The following KCNQ5 variants were observed in gnomAD, a reference collection of about 807,000 sequenced individuals.
KCNQ5 encodes the protein potassium voltage-gated channel subfamily Q member 5.
In KCNQ5, 30 loss-of-function variants were observed where a neutral mutation model predicts 98.2. The ratio of observed to expected loss-of-function variants is 0.31; its 90% CI spans 0.23 to 0.41. The LOEUF is 0.41. Ranked by LOEUF, KCNQ5 falls within the 10% of genes least tolerant of loss-of-function variation. The probability of loss-of-function intolerance (pLI) is 1.00; values close to 1 mark genes in which losing one functional copy is unlikely to be tolerated. For synonymous variants in KCNQ5, 458 were observed against 449.4 expected, an observed-to-expected ratio of 1.02 and a Z score of -0.24; for missense variants, 835 against 1,182.5, an observed-to-expected ratio of 0.71 and a Z score of 4.31.
intron 2 of KCNQ5, among the ~76,000 whole-genome samples, chr6:73,040,375 G>C (rs139243163): frequency 5.9e-5 from 9 of 152,256 alleles, no homozygotes; most frequent in African/African-American, 1.9e-4. Context: ...ATTCAACCTA[G>C]GTTGGGCACA....
intron 1 of KCNQ5, among the ~76,000 whole-genome samples, chr6:72,766,556 T>C (rs1389042717): frequency 2.0e-5 from 3 of 151,858 alleles, no homozygotes; most frequent in Admixed American, 6.6e-5. Flanking sequence ...TTGGCCTAGG[T>C]TGGTAGCAGT....
chr6:73,023,115 A>C (rs1029699293), intron 2 of KCNQ5, among the ~76,000 whole-genome samples: 1 of 152,222 alleles, frequency 6.6e-6, no homozygotes, highest in Non-Finnish European at 1.5e-5. Flanking sequence ...CAGAAGCTAC[A>C]TGAGCATCAG....
chr6:72,780,683 T>C (rs546538861), intron 1 of KCNQ5, among the ~76,000 whole-genome samples: 1 of 152,292 alleles, frequency 6.6e-6, no homozygotes, highest in African/African-American at 2.4e-5. Context: ...GGGTATTTTA[T>C]CTACTGAGAA....
chr6:72,919,652 G>GA (rs778103535), intron 1 of KCNQ5, among the ~76,000 whole-genome samples: 174 of 150,460 alleles, frequency 1.2e-3, no homozygotes, highest in South Asian at 1.9e-3. Flanking sequence ...CTCCCTTTCT[G>GA]AAAAAAAAAT....
At chr6:73,080,884 A>G (rs1361014035) in intron 5 of KCNQ5, among the ~76,000 whole-genome samples, 1 of 152,202 alleles carries the variant, frequency 6.6e-6, no homozygotes. Context: ...CCCTAGATCA[A>G]CATTTGGAGG....
chr6:72,820,898 A>C (rs1775723558), intron 1 of KCNQ5, among the ~76,000 whole-genome samples: 1 of 152,242 alleles, frequency 6.6e-6, no homozygotes, highest in Admixed American at 6.5e-5. Context: ...TTCATCGTGT[A>C]CTTGCTGGAA....
chr6:73,128,043 T>C (rs1935533), intron 9 of KCNQ5, among the ~76,000 whole-genome samples: 140,172 of 152,198 alleles, frequency 0.92, 64,822 homozygotes, highest in South Asian at 0.99. Context: ...CCAGCCTGGA[T>C]GACAGAGCAA....
intron 2 of KCNQ5, among the ~76,000 whole-genome samples, chr6:73,005,162 G>C (rs1249697189): frequency 2.0e-5 from 3 of 152,170 alleles, no homozygotes; most frequent in African/African-American, 7.2e-5. Flanking sequence ...TATTGCTCAT[G>C]TTAAGGTTAC....
intron 3 of KCNQ5, among the ~76,000 whole-genome samples, chr6:73,053,084 A>T (rs1180716899): frequency 1.3e-5 from 2 of 152,224 alleles, no homozygotes; most frequent in Non-Finnish European, 2.9e-5. Flanking sequence ...AGAAAAAAGC[A>T]GGAGTTGCTA....
intron 1 of KCNQ5, among the ~76,000 whole-genome samples, chr6:72,684,072 G>T (rs1397877287): frequency 6.6e-6 from 1 of 152,156 alleles, no homozygotes; most frequent in Non-Finnish European, 1.5e-5. Flanking sequence ...GTTCATGTAT[G>T]TATAATCATT....
At chr6:72,645,204 C>CAA (rs771967081) in intron 1 of KCNQ5, among the ~76,000 whole-genome samples, 2,245 of 116,916 alleles carry the variant, frequency 0.019, 39 homozygotes, top group South Asian at 0.038. Context: ...ACCTTGTCAC[C>CAA]AAAAAAAAAC....
At chr6:73,037,517 C>G (rs1771492695) in intron 2 of KCNQ5, among the ~76,000 whole-genome samples, 1 of 152,054 alleles carries the variant, frequency 6.6e-6, no homozygotes, top group African/African-American at 2.4e-5. Context: ...AACCCGTGGT[C>G]CATTTTTAAA....
intron 10 of KCNQ5, among the ~76,000 whole-genome samples, chr6:73,147,873 A>AAGTGTTTGAGGCATTCAAATAAGTG (rs1275426156): frequency 6.6e-6 from 1 of 152,180 alleles, no homozygotes; most frequent in African/African-American, 2.4e-5. Context: ...AGCAATAAGC[A>AAGTGTTTGAGGCATTCAAATAAGTG]AGTGTTTGAG....
chr6:72,738,869 A>G (rs1012121419), intron 1 of KCNQ5, among the ~76,000 whole-genome samples: 2 of 152,244 alleles, frequency 1.3e-5, no homozygotes, highest in Non-Finnish European at 2.9e-5. Flanking sequence ...GGGATAGTTA[A>G]AACATCAGTG....
At chr6:72,997,571 C>T (rs981961292) in intron 1 of KCNQ5, among the ~76,000 whole-genome samples, 4 of 149,958 alleles carry the variant, frequency 2.7e-5, no homozygotes, top group African/African-American at 7.4e-5. Flanking sequence ...GTCAGAAGAT[C>T]GAGACCATCC....
intron 1 of KCNQ5, among the ~76,000 whole-genome samples, chr6:72,675,103 T>C (rs1264808541): frequency 6.6e-6 from 1 of 152,196 alleles, no homozygotes; most frequent in Non-Finnish European, 1.5e-5. Context: ...TTTGCTCAGG[T>C]CTTTTTGAGG....
intron 3 of KCNQ5, among the ~76,000 whole-genome samples, chr6:73,074,905 T>C (rs1773462421): frequency 6.6e-6 from 1 of 152,176 alleles, no homozygotes; most frequent in South Asian, 2.1e-4. Context: ...ATCTTTTTCT[T>C]TTCTTTCTAC....
chr6:73,076,106 C>G (rs542762973), intron 3 of KCNQ5, among the ~76,000 whole-genome samples: 53 of 152,222 alleles, frequency 3.5e-4, no homozygotes, highest in African/African-American at 1.1e-3. Context: ...ACTGACCCCC[C>G]CTCTCTCTCA....
chr6:72,961,196 T>A (rs1316304367), intron 1 of KCNQ5, among the ~76,000 whole-genome samples: 3 of 152,332 alleles, frequency 2.0e-5, no homozygotes, highest in African/African-American at 4.8e-5. Context: ...TGGACCCTCA[T>A]TATATACTGT....
Sources: allele counts gnomAD v4.1 joint callset (sites outside exome capture counted in the v4.1 genomes callset), GRCh38; gene constraint gnomAD v4.1.1; transcripts MANE v1.5; gene names NCBI Gene and HGNC (gene_info 2026-07-23, HGNC 2026-07-21).